The following RYR2 variants were observed in gnomAD, a reference collection of about 807,000 sequenced individuals.
RYR2 encodes the protein cardiac muscle ryanodine receptor-calcium release channel.
RYR2 carries 227 observed loss-of-function variants against 601.1 expected under a neutral mutation model. The ratio of observed to expected loss-of-function variants is 0.38; its 90% CI spans 0.34 to 0.42. The LOEUF (loss-of-function observed/expected upper bound fraction) is 0.42, where lower values mean the gene tolerates loss of function less well. Among genes scored for constraint, RYR2 ranks in the 10% least tolerant of loss-of-function variants. The pLI is 1.00. For missense variants in RYR2, 4,646 were observed against 6,156.5 expected, an observed-to-expected ratio of 0.75 and a Z score of 8.21; for synonymous variants, 2,223 against 2,175.1, an observed-to-expected ratio of 1.02 and a Z score of -0.61.
At chr1:237,668,050 A>G (rs962763915) in intron 58 of RYR2, 92 bp downstream of exon 58, 2 of 977,250 alleles carry the variant, frequency 2.0e-6, no homozygotes, top group Non-Finnish European at 3.0e-6. Flanking sequence ...ACAGCTTATT[A>G]TAACTTTTTA....
intron 1 of RYR2, among the ~76,000 whole-genome samples, chr1:237,048,421 C>T (rs182943949): frequency 3.9e-5 from 6 of 152,264 alleles, no homozygotes; most frequent in East Asian, 3.9e-4. Flanking sequence ...TTTCAACCTT[C>T]GTCATCCTTC....
chr1:237,602,157 G>T lies in RYR2; in HGVS notation c.4683+46G>T. ...TATTGTATTTGTATTTTTTCTATTA[G>T]GATATAGCATTGATTTATTCTGAAA... On this transcript the variant is annotated intron_variant, in intron 35 of 104. Transcript: ENST00000366574. 3 of 1,420,442 alleles carry T rather than the reference G, an allele frequency of 2.1e-6. No homozygotes were observed. The Admixed American group carries it at 5.4e-5, about 26-fold the overall frequency. The allele number at this position is 1,420,442 out of a possible 1,614,324, so 88.0% of individuals were successfully genotyped here.
At chr1:237,148,527 AATATAT>A (rs1553316811) in intron 1 of RYR2, among the ~76,000 whole-genome samples, 1 of 83,916 alleles carries the variant, frequency 1.2e-5, no homozygotes, top group African/African-American at 4.3e-5. Flanking sequence ...AAAAAAAAAA[AATATAT>A]ATATATATAT....
At chr1:237,416,962 C>G (rs867464111) in intron 10 of RYR2, 87 bp from the exon 11 acceptor site, 2 of 1,154,642 alleles carry the variant, frequency 1.7e-6, no homozygotes, top group Admixed American at 3.8e-5. Flanking sequence ...ATTTGCTTTT[C>G]TCTCCTAATT....
rs61555601 is a variant in RYR2, at chr1:237,540,911, G to GTATATATA, written c.2907-7508_2907-7501dup. Reference sequence around the variant, plus strand: ...TGATATGGTTGATGCATGTGTGTGTGTATATATATATATATATATGTATGC... The same window carrying GTATATATA: ...TGATATGGTTGATGCATGTGTGTGTGTATATATATATATATATATATATATATGTATGC... On this transcript the variant is annotated intron_variant, in intron 25 of 104. Coordinates refer to ENST00000366574, the MANE Select transcript of RYR2 (RefSeq NM_001035.3). 9.6e-3 allele frequency among the ~76,000 whole-genome samples: 1,421 copies of GTATATATA among 148,744 alleles called. 21 individuals carry two copies. Among genetic ancestry groups the GTATATATA allele is most frequent in the East Asian group, 0.075 (378 of 5,042 alleles).
intron 63 of RYR2, among the ~76,000 whole-genome samples, chr1:237,688,178 G>A (rs927175612): frequency 1.5e-4 from 23 of 152,104 alleles, no homozygotes; most frequent in African/African-American, 5.6e-4. Context: ...AGTGGCTGGT[G>A]GAATTTGTGT....
At chr1:237,084,997 T>C (rs1666151651) in intron 1 of RYR2, among the ~76,000 whole-genome samples, 1 of 152,220 alleles carries the variant, frequency 6.6e-6, no homozygotes, top group African/African-American at 2.4e-5. Context: ...CATCGGCTTT[T>C]TATTTTCATT....
At chr1:237,193,639 G>T (rs1276974858) in intron 1 of RYR2, among the ~76,000 whole-genome samples, 3 of 152,132 alleles carry the variant, frequency 2.0e-5, no homozygotes, top group Non-Finnish European at 4.4e-5. Flanking sequence ...GGGTGAGGGG[G>T]AAGAAGCTGT....
At chr1:237,688,302 T>C (rs1169912425) in intron 63 of RYR2, among the ~76,000 whole-genome samples, 1 of 152,118 alleles carries the variant, frequency 6.6e-6, no homozygotes, top group South Asian at 2.1e-4. Flanking sequence ...TTGAATGTAT[T>C]GCTAGAGGTA....
intron 61 of RYR2, 54 bp from the exon 62 acceptor site, chr1:237,680,402 T>A: frequency 6.5e-7 from 1 of 1,540,534 alleles, no homozygotes. Context: ...CAGCTCCCAT[T>A]CATCCCCTGA....
intron 16 of RYR2, among the ~76,000 whole-genome samples, chr1:237,458,455 C>T (rs568104501): frequency 6.6e-6 from 1 of 152,018 alleles, no homozygotes; most frequent in African/African-American, 2.4e-5. Flanking sequence ...TAAAGTTATT[C>T]TTGATGTTTC....
At chr1:237,459,655 T>C (rs1659245165) in intron 16 of RYR2, among the ~76,000 whole-genome samples, 1 of 152,222 alleles carries the variant, frequency 6.6e-6, no homozygotes, top group African/African-American at 2.4e-5. Context: ...AAGTTAGCAC[T>C]TCAGCTTTAT....
chr1:237,400,922 G>T (rs1703297348), intron 10 of RYR2, among the ~76,000 whole-genome samples: 1 of 152,162 alleles, frequency 6.6e-6, no homozygotes, highest in Non-Finnish European at 1.5e-5. Flanking sequence ...TCATAGGATG[G>T]AAATGGATCA....
chr1:237,223,167 C>G lies in RYR2; in HGVS notation c.49-47330C>G, dbSNP rs374507389. Among the ~76,000 whole-genome samples, 14 of 152,292 alleles carry G rather than the reference C, an allele frequency of 9.2e-5. No individual in the cohort carries two copies. In the East Asian group the frequency reaches 1.5e-3, roughly 17 times the overall value. On this transcript the variant is annotated intron_variant, in intron 1 of 104. Transcript: ENST00000366574. ...TTGTAATACTGTCTTATTCCATTTT[C>G]TGATGTTATGACAGAATACCAAATG...
chr1:237,205,795 C>G (rs1323676541), intron 1 of RYR2, among the ~76,000 whole-genome samples: 1 of 152,210 alleles, frequency 6.6e-6, no homozygotes, highest in Non-Finnish European at 1.5e-5. Flanking sequence ...GCTGAGGCCC[C>G]CACTCTTCCT....
At chr1:237,590,036 A>T in intron 30 of RYR2, 35 bp downstream of exon 30, 2 of 1,562,278 alleles carry the variant, frequency 1.3e-6, no homozygotes, top group Non-Finnish European at 8.7e-7. Context: ...GCCATTTCTA[A>T]AAAGCAGGAA....
intron 100 of RYR2, 71 bp from the exon 101 acceptor site, chr1:237,818,965 T>G: frequency 1.4e-6 from 2 of 1,380,942 alleles, no homozygotes; most frequent in Non-Finnish European, 2.0e-6. Context: ...ACTACAGAGA[T>G]AACTCGGGTT....
intron 1 of RYR2, among the ~76,000 whole-genome samples, chr1:237,188,502 C>T (rs1461838827): frequency 1.3e-5 from 2 of 152,134 alleles, no homozygotes; most frequent in Admixed American, 1.3e-4. Flanking sequence ...TGAGATAATA[C>T]ATGTAAACCT....
chr1:237,232,613 C>G (rs1685117132), intron 1 of RYR2, among the ~76,000 whole-genome samples: 1 of 152,176 alleles, frequency 6.6e-6, no homozygotes, highest in South Asian at 2.1e-4. Flanking sequence ...GAGGGTCATG[C>G]TCCAGATCCT....
Sources: gnomAD v4.1 joint callset for allele counts (sites outside exome capture counted in the v4.1 genomes callset) on GRCh38, gnomAD v4.1.1 for gene constraint, MANE v1.5 for transcripts, NCBI Gene and HGNC (gene_info 2026-07-23, HGNC 2026-07-21) for gene names.